The following UGGT1 variants were observed in gnomAD, a reference collection of about 807,000 sequenced individuals.
UGGT1 encodes the protein UDP-glucose:glycoprotein glucosyltransferase 1.
UGGT1 carries 107 observed loss-of-function variants against 203.9 expected under a neutral mutation model. The observed-to-expected ratio is 0.52, with a 90% CI of 0.45 to 0.62. The LOEUF is 0.62. UGGT1 is among the 20% of genes least tolerant of loss of function. The pLI is 0.00. For missense variants in UGGT1, 1,673 were observed against 1,867.2 expected, an observed-to-expected ratio of 0.90 and a Z score of 1.92; for synonymous variants, 628 against 653.5, an observed-to-expected ratio of 0.96 and a Z score of 0.59.
chr2:128,151,760 A>G (rs1689983904), intron 18 of UGGT1, among the ~76,000 whole-genome samples: 2 of 152,240 alleles, frequency 1.3e-5, no homozygotes, highest in East Asian at 3.9e-4. Flanking sequence ...AGTCCCAGCT[A>G]TTTGGGAGGT....
At chr2:128,184,489 T>G (rs1691872865) in intron 38 of UGGT1, among the ~76,000 whole-genome samples, 1 of 152,188 alleles carries the variant, frequency 6.6e-6, no homozygotes, top group Non-Finnish European at 1.5e-5. Context: ...GTTCAAGAAC[T>G]AGAACATTAT....
rs757279381 is a variant in UGGT1 at position 128,189,739 on chromosome 2, A to G, written c.4665A>G (p.Leu1555=). The change falls in exon 41 of 41, where the codon TTA becomes TTG. Residue 1555 remains leucine (L), a synonymous_variant. Coordinates refer to ENST00000259253, the MANE Select transcript of UGGT1 (RefSeq NM_020120.4). ...TAGGTCCTCAGAAACGTGAAGAATTATGATCTCTGGAGAAGGACAGGAAAT... is the reference window on the plus strand; with the variant it reads ...TAGGTCCTCAGAAACGTGAAGAATTGTGATCTCTGGAGAAGGACAGGAAAT... ...SREGPQKREE[L] is the part of the protein sequence containing the mutation. 3.1e-6 allele frequency: 5 copies of G among 1,613,080 alleles called. No homozygotes were observed. Among genetic ancestry groups the G allele is most frequent in the Non-Finnish European group, 3.4e-6 (4 of 1,179,410 alleles).
At chr2:128,118,960 G>A (rs578011302) in intron 8 of UGGT1, among the ~76,000 whole-genome samples, 24 of 152,192 alleles carry the variant, frequency 1.6e-4, no homozygotes, top group African/African-American at 5.3e-4. Flanking sequence ...GTGAGCCACC[G>A]CGCCTGGCCT....
intron 12 of UGGT1, among the ~76,000 whole-genome samples, chr2:128,128,314 TC>T (rs1336782845): frequency 7.4e-5 from 3 of 40,326 alleles, no homozygotes; most frequent in Non-Finnish European, 1.0e-4. Context: ...TTCCTTTCTA[TC>T]TTTTTTTTTT....
intron 26 of UGGT1, among the ~76,000 whole-genome samples, chr2:128,167,911 ATGT>A (rs1690875359): frequency 1.3e-5 from 2 of 152,106 alleles, no homozygotes; most frequent in Admixed American, 1.3e-4. Flanking sequence ...GAATGTGAAC[ATGT>A]TGTGTGAATC....
At chr2:128,182,402 A>C in intron 37 of UGGT1, 112 bp downstream of exon 37, 1 of 1,342,760 alleles carries the variant, frequency 7.4e-7, no homozygotes, top group Non-Finnish European at 1.0e-6. Context: ...AATAAAAATG[A>C]TAAAAAATAC....
chr2:128,151,131 A>G, intron 18 of UGGT1: 1 of 406,272 alleles, frequency 2.5e-6, no homozygotes, highest in Non-Finnish European at 4.7e-6. Flanking sequence ...GATTATAGGC[A>G]TGAGCCATTG....
At chr2:128,102,058 A>G (rs1281788045) in intron 2 of UGGT1, among the ~76,000 whole-genome samples, 1 of 152,192 alleles carries the variant, frequency 6.6e-6, no homozygotes, top group African/African-American at 2.4e-5. Flanking sequence ...TTTAAGTACA[A>G]TAACCACCAT....
rs1175685194 is a variant in UGGT1, at chr2:128,149,161, C to T, written c.2016+3194C>T. ...GGCTCAAGCAGTCCTCCTGCCACAG[C>T]CTTCCAAGTAGCTGGGACCATAGGT... On this transcript the variant is annotated intron_variant, in intron 18 of 40. Coordinates refer to ENST00000259253, the MANE Select transcript of UGGT1 (RefSeq NM_020120.4). Among the ~76,000 whole-genome samples the T allele has an allele frequency of 2.0e-5, 3 of 152,030 alleles. No individual in the cohort carries two copies. The East Asian group carries it at 5.9e-4, about 30-fold the overall frequency.
intron 18 of UGGT1, chr2:128,151,433 G>A (rs1177609017): frequency 2.8e-6 from 1 of 355,836 alleles, no homozygotes; most frequent in Non-Finnish European, 5.4e-6. Flanking sequence ...TTGGAGTCAA[G>A]TAGATTTATA....
At chr2:128,145,523 CA>C (rs1558791423) in intron 17 of UGGT1, 1 of 114,460 alleles carries the variant, frequency 8.7e-6, no homozygotes, top group Non-Finnish European at 1.6e-5. Context: ...CACACACACA[CA>C]TACACAAACA....
rs758799373 is a variant in UGGT1 at position 128,097,502 on chromosome 2, A to G, written c.132A>G (p.Ser44=). The change falls in exon 2 of 41, where the codon TCA becomes TCG. Residue 44 remains serine, a synonymous_variant. Coordinates refer to ENST00000259253, the MANE Select transcript of UGGT1 (RefSeq NM_020120.4). The part of the protein sequence containing the change: ...LWLFSSVKAD[S]KAITTSLTTK... The stretch of plus-strand genomic sequence containing the variant: ...TGTTCTCCTCAGTAAAGGCCGACTC[A>G]AAAGCCATTACAACCTCTCTTACAA... 9.3e-6 allele frequency: 15 copies of G among 1,614,246 alleles called. No homozygotes were observed. Among genetic ancestry groups the G allele is most frequent in the Non-Finnish European group, 1.3e-5 (15 of 1,180,046 alleles).
rs775327393 is a variant in UGGT1 at position 128,143,262 on chromosome 2, C to T, written c.1851+37C>T. Reference sequence around the variant, plus strand: ...CTTTGTGTTTCTTATTTGATTGCAACATTGTACTGTCCTTAACCCCGTGTT... The same window carrying T: ...CTTTGTGTTTCTTATTTGATTGCAATATTGTACTGTCCTTAACCCCGTGTT... On this transcript the variant is annotated intron_variant, in intron 17 of 40. Coordinates refer to ENST00000259253, the MANE Select transcript of UGGT1 (RefSeq NM_020120.4). The T allele has an allele frequency of 9.3e-6, 15 of 1,607,720 alleles. No individual in the cohort carries two copies. The African/African-American group carries it at 2.0e-4, about 22-fold the overall frequency.
At position 128,184,674 on chromosome 2, in the gene UGGT1, TTTTG is replaced by T. The variant is rs538532438; in HGVS notation, c.4359+901_4359+904del. Among the ~76,000 whole-genome samples the T allele has an allele frequency of 6.2e-3, 947 of 152,304 alleles. 10 individuals are homozygous for T. Among genetic ancestry groups the T allele is most frequent in the African/African-American group, 0.02 (834 of 41,558 alleles). ...CAATGGAATAATAAAAGGTAAACTT[TTTTG>T]TTTGTTTGTTTGTTTTGAGACAGAA... is the stretch of plus-strand genomic sequence containing the variant. On this transcript the variant is annotated intron_variant, in intron 38 of 40. Coordinates refer to ENST00000259253, the MANE Select transcript of UGGT1 (RefSeq NM_020120.4).
intron 17 of UGGT1, among the ~76,000 whole-genome samples, chr2:128,144,446 A>G (rs1689584001): frequency 6.6e-6 from 1 of 152,180 alleles, no homozygotes; most frequent in Non-Finnish European, 1.5e-5. Context: ...AGACAAAACC[A>G]ATGTTATTTA....
At position 128,091,278 on chromosome 2, in the gene UGGT1, C is replaced by T; in HGVS notation, c.-80C>T. ...GCGTGTCGGCCTCTCACTGGCGCAG[C>T]CTGCACTGCCGCTGCCGCCTCGCCC... is the stretch of plus-strand genomic sequence containing the variant. On this transcript the variant is annotated 5_prime_UTR_variant, in exon 1 of 41. Coordinates refer to ENST00000259253, the MANE Select transcript of UGGT1 (RefSeq NM_020120.4). The T allele has an allele frequency of 7.8e-6, 11 of 1,414,148 alleles. No homozygotes were observed. Among genetic ancestry groups the T allele is most frequent in the Non-Finnish European group, 1.0e-5 (11 of 1,064,824 alleles). 87.6% of individuals were successfully genotyped at this position (1,414,148 alleles called of 1,614,324 possible).
chr2:128,159,216 C>T (rs1348734683), intron 22 of UGGT1, among the ~76,000 whole-genome samples: 2 of 151,408 alleles, frequency 1.3e-5, no homozygotes, highest in Admixed American at 1.3e-4. Context: ...TCTCCTGCCA[C>T]AGCCTTGCGA....
rs891107433 is a variant in UGGT1 at position 128,183,733 on chromosome 2, A to G, written c.4303A>G (p.Arg1435Gly). 1 of 1,614,074 alleles carries G rather than the reference A, an allele frequency of 6.2e-7. No homozygotes were observed. Residue 1435 changes from arginine to glycine, a missense_variant, in exon 38 of 41, where the codon AGG (arginine) becomes GGG (glycine). By Grantham distance (125) the Arg-to-Gly change is moderately radical. Coordinates refer to ENST00000259253, the MANE Select transcript of UGGT1 (RefSeq NM_020120.4). ...GAAAATAGCTGCTGGTGACAGACTC[A>G]GGGGACAGTACCAAGGTCTGAGTCA... ...FRKIAAGDRL[R>G]GQYQGLSQDP...
At chr2:128,181,382 C>T (rs142367753) in intron 36 of UGGT1, among the ~76,000 whole-genome samples, 1 of 152,178 alleles carries the variant, frequency 6.6e-6, no homozygotes, top group Non-Finnish European at 1.5e-5. Flanking sequence ...GCCATCATCT[C>T]TAATTATCTG....
Sources: allele counts gnomAD v4.1 joint callset (sites outside exome capture counted in the v4.1 genomes callset), GRCh38; gene constraint gnomAD v4.1.1; transcripts MANE v1.5; gene names NCBI Gene and HGNC (gene_info 2026-07-23, HGNC 2026-07-21).